Variants in FMNL2 observed in about 807,000 individuals in gnomAD.
FMNL2 encodes formin-like protein 2.
In FMNL2, 51 loss-of-function variants were observed where a neutral mutation model predicts 130.2. The observed-to-expected ratio is 0.39, with a 90% confidence interval of 0.31 to 0.49. The LOEUF (loss-of-function observed/expected upper bound fraction) is 0.49. Among genes scored for constraint, FMNL2 ranks in the 20% least tolerant of loss-of-function variants. The pLI is 0.85. For missense variants in FMNL2, 977 were observed against 1,316.2 expected (o/e 0.74, Z 3.99); for synonymous variants, 465 against 467.1 (o/e 1.00, Z 0.06).
intron 1 of FMNL2, among the ~76,000 whole-genome samples, chr2:152,367,997 A>G (rs970236062): frequency 6.6e-6 from 1 of 152,174 alleles, no homozygotes; most frequent in Non-Finnish European, 1.5e-5. Flanking sequence ...GAGCCAGTCT[A>G]CGTATTAACA....
At chr2:152,472,711 C>T (rs764458091) in intron 1 of FMNL2, among the ~76,000 whole-genome samples, 3 of 152,178 alleles carry the variant, frequency 2.0e-5, no homozygotes, top group Non-Finnish European at 4.4e-5. Context: ...GTCATCAGGC[C>T]AATTCCAGGG....
At chr2:152,480,983 T>C (rs1051375395) in intron 1 of FMNL2, among the ~76,000 whole-genome samples, 2 of 152,188 alleles carry the variant, frequency 1.3e-5, no homozygotes, top group African/African-American at 2.4e-5. Flanking sequence ...TACACATTCA[T>C]TGGATTTTGC....
intron 6 of FMNL2, among the ~76,000 whole-genome samples, chr2:152,573,238 T>G (rs536630363): frequency 6.6e-6 from 1 of 152,358 alleles, no homozygotes; most frequent in African/African-American, 2.4e-5. Flanking sequence ...AAACTAAGCC[T>G]TAATTCACCA....
intron 2 of FMNL2, among the ~76,000 whole-genome samples, chr2:152,534,909 T>C (rs1693910316): frequency 6.6e-6 from 1 of 152,214 alleles, no homozygotes. Flanking sequence ...TCCTTTCCTC[T>C]TCAACTAGCA....
At chr2:152,624,638 A>G (rs367613760) in intron 15 of FMNL2, among the ~76,000 whole-genome samples, 242 of 152,238 alleles carry the variant, frequency 1.6e-3, no homozygotes, top group African/African-American at 4.6e-3. Context: ...CAGGAGTTTG[A>G]GACCAGCCTG....
At position 152,512,965 on chromosome 2, in the gene FMNL2, G is replaced by A. The variant is rs146629825; in HGVS notation, c.118-8978G>A. 4.8e-3 allele frequency among the ~76,000 whole-genome samples: 729 copies of A among 152,290 alleles called. 1 individual carries two copies. The highest frequency in any genetic ancestry group is 7.7e-3 in the Non-Finnish European group (525 of 68,022). On this transcript the variant is annotated intron_variant, in intron 1 of 25. Transcript: ENST00000288670. ...AACTTCTGTATGTGTATTCACACAC[G>A]TGCACAAACACCCTCCAACATATGT...
intron 1 of FMNL2, among the ~76,000 whole-genome samples, chr2:152,478,713 T>C (rs1004092757): frequency 6.6e-6 from 1 of 152,124 alleles, no homozygotes; most frequent in African/African-American, 2.4e-5. Flanking sequence ...ATGTTCATAA[T>C]ATAAAGACTA....
chr2:152,553,050 G>A (rs1247930508), intron 4 of FMNL2, among the ~76,000 whole-genome samples: 1 of 152,174 alleles, frequency 6.6e-6, no homozygotes, highest in Non-Finnish European at 1.5e-5. Context: ...AAGGAATGTG[G>A]CAAGTTGGCA....
chr2:152,554,023 A>T (rs183502891), intron 4 of FMNL2, among the ~76,000 whole-genome samples: 1 of 152,214 alleles, frequency 6.6e-6, no homozygotes, highest in Non-Finnish European at 1.5e-5. Flanking sequence ...TTTTAGTAGT[A>T]CCCCCAAAAT....
intron 1 of FMNL2, among the ~76,000 whole-genome samples, chr2:152,478,248 ATATT>A (rs773251909): frequency 0.068 from 5,103 of 75,434 alleles, 109 homozygotes; most frequent in East Asian, 0.23. Context: ...ATATATATAT[ATATT>A]TTTTTTTTTT....
chr2:152,409,711 G>A (rs1686181627), intron 1 of FMNL2, among the ~76,000 whole-genome samples: 1 of 152,144 alleles, frequency 6.6e-6, no homozygotes, highest in Non-Finnish European at 1.5e-5. Flanking sequence ...AGCTGATGAT[G>A]GCATTGATAC....
intron 10 of FMNL2, chr2:152,607,637 A>G (rs754404817): frequency 2.7e-5 from 10 of 373,986 alleles, no homozygotes; most frequent in Non-Finnish European, 4.9e-5. Context: ...TAAAGACAAA[A>G]GTACTAATCA....
chr2:152,513,407 T>G (rs1234656993), intron 1 of FMNL2, among the ~76,000 whole-genome samples: 1 of 152,234 alleles, frequency 6.6e-6, no homozygotes, highest in Non-Finnish European at 1.5e-5. Context: ...CAGAATTTAT[T>G]CATCCTGCCT....
rs78664490 is a variant in FMNL2 at position 152,615,572 on chromosome 2, G to T, written c.1212+572G>T. Among the ~76,000 whole-genome samples the T allele has an allele frequency of 9.5e-4, 144 of 152,240 alleles. 3 individuals carry two copies. In the East Asian group the frequency reaches 0.025, roughly 27 times the overall value. ...GTTGTCAGCTCTATCACAGGACAGG[G>T]TCTCATTTTTCTTTGAGGGATTTTT... On this transcript the variant is annotated intron_variant, in intron 12 of 25. Coordinates refer to ENST00000288670, the MANE Select transcript of FMNL2 (RefSeq NM_052905.4).
At chr2:152,409,089 C>A (rs1686150040) in intron 1 of FMNL2, among the ~76,000 whole-genome samples, 1 of 152,172 alleles carries the variant, frequency 6.6e-6, no homozygotes, top group Non-Finnish European at 1.5e-5. Context: ...GAGTCAAGAA[C>A]CTTCGAAGCA....
intron 19 of FMNL2, 33 bp downstream of exon 19, chr2:152,629,757 C>T: frequency 2.5e-6 from 4 of 1,601,852 alleles, no homozygotes; most frequent in South Asian, 1.1e-5. Context: ...GTATGAAGGA[C>T]TACTTCAGCT....
Position 152,648,557 on chromosome 2 carries a change from AT to A in FMNL2, c.*655del, listed in dbSNP as rs1215557046. The A allele has an allele frequency of 6.6e-6, 1 of 152,656 alleles. No homozygotes were observed. The highest frequency in any genetic ancestry group is 2.4e-5 in the African/African-American group (1 of 41,444). The allele number at this position is 152,656 out of a possible 1,614,324, so 9.5% of individuals were successfully genotyped here. A position where few individuals can be genotyped will look rare whatever the true frequency, so the allele number is the denominator to read the frequency against. On this transcript the variant is annotated 3_prime_UTR_variant, in exon 26 of 26. Transcript: ENST00000288670. ...TGTGGGGATATAGTGTATAAGACTT[AT>A]TTGCAGTACTGTGTTCTTCAGCTAG...
chr2:152,561,008 C>G lies in FMNL2; in HGVS notation c.569C>G (p.Ser190Cys), dbSNP rs925414912. 6.2e-7 allele frequency: 1 copy of G among 1,602,232 alleles called. No individual in the cohort carries two copies. Among genetic ancestry groups the G allele is most frequent in the African/African-American group, 1.3e-5 (1 of 74,780 alleles). ...CCCTCACCTGTGGGCAACAGTGTCT[C>G]CCGCTCTGGAAGACATTCTGCACTG... ...NLPSPVGNSVSRSGRHSALRY... is the reference protein window; with the variant it reads ...NLPSPVGNSVCRSGRHSALRY... Residue 190 changes from serine (S) to cysteine (C), a missense_variant, in exon 6 of 26, where the codon TCC (serine) becomes TGC (cysteine). Coordinates refer to ENST00000288670, the MANE Select transcript of FMNL2 (RefSeq NM_052905.4).
rs536906399 is a variant in FMNL2 at position 152,475,596 on chromosome 2, G to A, written c.118-46347G>A. Among the ~76,000 whole-genome samples the A allele has an allele frequency of 1.7e-3, 252 of 151,966 alleles. 2 individuals carry two copies. The highest frequency in any genetic ancestry group is 5.9e-3 in the African/African-American group (245 of 41,410). ...TGCAACCTCCACCTCCCAGGTTCCC[G>A]CCATTCTCCTGTCTCAGCTTCCCGA... On this transcript the variant is annotated intron_variant, in intron 1 of 25. Coordinates refer to ENST00000288670, the MANE Select transcript of FMNL2 (RefSeq NM_052905.4).
Sources: allele counts gnomAD v4.1 joint callset (sites outside exome capture counted in the v4.1 genomes callset), GRCh38; gene constraint gnomAD v4.1.1; transcripts MANE v1.5; gene names NCBI Gene and HGNC (gene_info 2026-07-23, HGNC 2026-07-21).